CACNA1B: variants seen among roughly 807,000 people sequenced by gnomAD.
CACNA1B encodes voltage-dependent N-type calcium channel subunit alpha-1B.
CACNA1B carries 70 observed loss-of-function variants against 247.2 expected under a neutral mutation model. The ratio of observed to expected loss-of-function variants is 0.28; its 90% CI spans 0.23 to 0.35. CACNA1B has a LOEUF of 0.35. Among genes scored for constraint, CACNA1B ranks in the 10% least tolerant of loss-of-function variants. The probability of loss-of-function intolerance (pLI) is 1.00; values close to 1 mark genes in which losing one functional copy is unlikely to be tolerated. For synonymous variants in CACNA1B, 1,231 were observed against 1,294.4 expected (o/e 0.95, Z 1.05); for missense variants, 2,367 against 3,197.4 (o/e 0.74, Z 6.26).
chr9:138,059,616 A>G lies in CACNA1B; in HGVS notation c.4585-38A>G, dbSNP rs763594329. On this transcript the variant is annotated intron_variant, in intron 30 of 46. Transcript: ENST00000371372. The surrounding 1 kb of genome is among the most constrained non-coding windows in gnomAD (Gnocchi z 4.2). ...ATACCTCTTTGCCAACAGAGCCCTC[A>G]TCAGCCGCTGGCACTAACTGCTCTT... The G allele has an allele frequency of 4.1e-6, 5 of 1,222,120 alleles. No individual in the cohort carries two copies. Among genetic ancestry groups the G allele is most frequent in the Non-Finnish European group, 6.1e-6 (5 of 822,694 alleles). The allele number at this position is 1,222,120 out of a possible 1,614,324, so 75.7% of individuals were successfully genotyped here.
In CACNA1B at chr9:138,057,972, C is replaced by T. The variant is rs1457601513; in HGVS notation, c.4107-77C>T. 6 of 1,561,256 alleles carry T rather than the reference C, an allele frequency of 3.8e-6. No individual in the cohort carries two copies. The Admixed American group carries it at 6.8e-5, about 18-fold the overall frequency. On this transcript the variant is annotated intron_variant, in intron 27 of 46. Transcript: ENST00000371372. The surrounding 1 kb of genome is among the most constrained non-coding windows in gnomAD (Gnocchi z 4.0). ...GCTCAGGCATGGAAGCAGACCCACCCTTGTGGTGCAGGTCTTGAGTTCTTA... is the reference window on the plus strand; with the variant it reads ...GCTCAGGCATGGAAGCAGACCCACCTTTGTGGTGCAGGTCTTGAGTTCTTA...
Position 137,957,519 on chromosome 9 carries a change from G to A in CACNA1B, c.1244-79G>A. On this transcript the variant is annotated intron_variant, in intron 9 of 46. Coordinates refer to ENST00000371372, the MANE Select transcript of CACNA1B (RefSeq NM_000718.4). This position sits in a 1 kb window ranked among gnomAD's most constrained non-coding sequence, Gnocchi z 4.7. ...GAGAGGTCACTGGTCCCAGGGGGAG[G>A]GTGATCCCATGCCCCGCTGAGGCAG... is the stretch of plus-strand genomic sequence containing the variant. 2 of 1,046,802 alleles carry A rather than the reference G, an allele frequency of 1.9e-6. No individual in the cohort carries two copies. Among genetic ancestry groups the A allele is most frequent in the Non-Finnish European group, 2.7e-6 (2 of 728,600 alleles). 64.8% of individuals were successfully genotyped at this position (1,046,802 alleles called of 1,614,324 possible). A position where few individuals can be genotyped will look rare whatever the true frequency, so the allele number is the denominator to read the frequency against.
intron 15 of CACNA1B, among the ~76,000 whole-genome samples, chr9:137,987,560 T>C (rs1299614982): frequency 6.6e-6 from 1 of 152,210 alleles, no homozygotes; most frequent in Non-Finnish European, 1.5e-5. Context: ...GTGATGCCTC[T>C]TACGGAGGCC....
At chr9:137,920,292 G>T (rs1025932241) in intron 6 of CACNA1B, among the ~76,000 whole-genome samples, 3 of 152,178 alleles carry the variant, frequency 2.0e-5, no homozygotes, top group Non-Finnish European at 4.4e-5. Flanking sequence ...TGCCTCCTTG[G>T]TTCAAGTGAT....
intron 6 of CACNA1B, among the ~76,000 whole-genome samples, chr9:137,951,531 G>A (rs571833516): frequency 1.3e-5 from 2 of 152,316 alleles, no homozygotes; most frequent in African/African-American, 4.8e-5. Flanking sequence ...CACCCTCCTG[G>A]TTTCTCTCCA....
intron 31 of CACNA1B, among the ~76,000 whole-genome samples, chr9:138,060,257 C>A (rs1959673631): frequency 6.6e-6 from 1 of 152,196 alleles, no homozygotes; most frequent in African/African-American, 2.4e-5. Context: ...CATAAAGCAA[C>A]ATTCTTTGAG....
chr9:137,930,938 C>CT (rs1199988967), intron 6 of CACNA1B, among the ~76,000 whole-genome samples: 2 of 151,920 alleles, frequency 1.3e-5, no homozygotes, highest in African/African-American at 4.8e-5. Context: ...TTGTATAAAT[C>CT]TTTTTTTATA....
At chr9:137,951,262 A>G (rs1277169442) in intron 6 of CACNA1B, among the ~76,000 whole-genome samples, 1 of 152,238 alleles carries the variant, frequency 6.6e-6, no homozygotes, top group Non-Finnish European at 1.5e-5. Context: ...CTCAGGGGCC[A>G]GCCTGGAATC....
intron 31 of CACNA1B, chr9:138,068,511 C>T: frequency 2.1e-6 from 1 of 482,980 alleles, no homozygotes; most frequent in Non-Finnish European, 4.1e-6. Flanking sequence ...GTGGCTGCCT[C>T]CTCCCTGTGC....
At chr9:137,960,213 A>G (rs1247936794) in intron 10 of CACNA1B, among the ~76,000 whole-genome samples, 281 of 23,992 alleles carry the variant, frequency 0.012, no homozygotes, top group East Asian at 0.014. Context: ...AGGGGGAGGG[A>G]AGGTCGGCCG....
At chr9:137,947,425 C>T (rs1416922310) in intron 6 of CACNA1B, among the ~76,000 whole-genome samples, 2 of 152,098 alleles carry the variant, frequency 1.3e-5, no homozygotes, top group Non-Finnish European at 2.9e-5. Flanking sequence ...CCTCCAGACC[C>T]TATTCTTCTG....
intron 3 of CACNA1B, among the ~76,000 whole-genome samples, chr9:137,906,757 T>C (rs899347543): frequency 6.6e-6 from 1 of 152,174 alleles, no homozygotes; most frequent in South Asian, 2.1e-4. Context: ...TCTGCATCCC[T>C]GTGTGATGTC....
intron 10 of CACNA1B, among the ~76,000 whole-genome samples, chr9:137,970,938 T>C (rs1207358272): frequency 1.3e-5 from 2 of 152,222 alleles, no homozygotes; most frequent in Non-Finnish European, 2.9e-5. Context: ...CCATGCGTGC[T>C]GACCCCTGAG....
In CACNA1B at chr9:138,012,658, G is replaced by T. The variant is rs902922645; in HGVS notation, c.2161-471G>T. On this transcript the variant is annotated intron_variant, in intron 17 of 46. Coordinates refer to ENST00000371372, the MANE Select transcript of CACNA1B (RefSeq NM_000718.4). The surrounding 1 kb of genome is among the most constrained non-coding windows in gnomAD (Gnocchi z 4.2). ...AAGCCTGGGAGGTCGAGGCTGCAGTGAGCTGAGATTGAGCCACTGCCCTCC... is the reference window on the plus strand; with the variant it reads ...AAGCCTGGGAGGTCGAGGCTGCAGTTAGCTGAGATTGAGCCACTGCCCTCC... Among the ~76,000 whole-genome samples the T allele has an allele frequency of 1.3e-5, 2 of 151,756 alleles. No homozygotes were observed. The highest frequency in any genetic ancestry group is 4.8e-5 in the African/African-American group (2 of 41,322).
intron 6 of CACNA1B, among the ~76,000 whole-genome samples, chr9:137,951,450 A>G (rs182316676): frequency 6.6e-6 from 1 of 152,186 alleles, no homozygotes; most frequent in African/African-American, 2.4e-5. Context: ...AGTCCATCCC[A>G]TGTCTTGTGA....
chr9:138,008,144 T>TGG (rs1033599903), intron 16 of CACNA1B, among the ~76,000 whole-genome samples: 9 of 152,104 alleles, frequency 5.9e-5, no homozygotes, highest in African/African-American at 2.2e-4. Context: ...GCTTTGGAGA[T>TGG]GGGTGGCCCT....
intron 3 of CACNA1B, among the ~76,000 whole-genome samples, chr9:137,885,419 G>A (rs1262338839): frequency 6.6e-6 from 1 of 152,146 alleles, no homozygotes; most frequent in African/African-American, 2.4e-5. Flanking sequence ...GTGAGCCAAG[G>A]GCCTGTGGGT....
chr9:138,002,286 T>G (rs1958586486), intron 15 of CACNA1B, among the ~76,000 whole-genome samples: 1 of 152,080 alleles, frequency 6.6e-6, no homozygotes, highest in South Asian at 2.1e-4. Context: ...ATTCAAAAAT[T>G]TGGGTCTGGG....
chr9:138,041,481 T>C (rs1049921916), intron 20 of CACNA1B, among the ~76,000 whole-genome samples: 7 of 152,230 alleles, frequency 4.6e-5, no homozygotes, highest in Non-Finnish European at 7.3e-5. Flanking sequence ...TTAAGTCTTT[T>C]TAAAAATAGC....
Sources: gnomAD v4.1 joint callset for allele counts (sites outside exome capture counted in the v4.1 genomes callset) on GRCh38, gnomAD v4.1.1 for gene constraint, Gnocchi (gnomAD v3.1) non-coding constraint, MANE v1.5 for transcripts, NCBI Gene and HGNC (gene_info 2026-07-23, HGNC 2026-07-21) for gene names.